WLS: variants seen among roughly 807,000 people sequenced by gnomAD.
WLS encodes the protein protein wntless homolog.
Under a neutral mutation model 62.8 loss-of-function variants are expected in WLS, and 23 were observed. The ratio of observed to expected loss-of-function variants is 0.37; its 90% CI spans 0.26 to 0.52. The LOEUF is 0.52. Among genes scored for constraint, WLS ranks in the 20% least tolerant of loss-of-function variants. WLS has a pLI of 0.92. For missense variants in WLS, 615 were observed against 697.3 expected, an observed-to-expected ratio of 0.88 and a Z score of 1.33; for synonymous variants, 246 against 244.1, an observed-to-expected ratio of 1.01 and a Z score of -0.07.
At chr1:68,106,358 A>G (rs545787538) in intron 11 of WLS, among the ~76,000 whole-genome samples, 1 of 152,272 alleles carries the variant, frequency 6.6e-6, no homozygotes, top group South Asian at 2.1e-4. Flanking sequence ...GGGAGCCCTC[A>G]GTGGGCCTGG....
chr1:68,111,145 G>A (rs1182454787), intron 11 of WLS, among the ~76,000 whole-genome samples: 3 of 152,194 alleles, frequency 2.0e-5, no homozygotes, highest in South Asian at 2.1e-4. Context: ...ATAGTAGGAA[G>A]TAAATGTCTG....
At position 68,126,004 on chromosome 1, in the gene WLS, GT is replaced by G; in HGVS notation, c.*221del. The G allele has an allele frequency of 7.4e-7, 1 of 1,352,800 alleles. No individual in the cohort carries two copies. The allele number at this position is 1,352,800 out of a possible 1,614,324, so 83.8% of individuals were successfully genotyped here. A position where few individuals can be genotyped will look rare whatever the true frequency, so the allele number is the denominator to read the frequency against. On this transcript the variant is annotated 3_prime_UTR_variant, in exon 12 of 12. Transcript: ENST00000262348. ...ATCACAGAAAATGTGTCATACCAGA[GT>G]TTTTGTTATCATACACAATGCATTA...
downstream of WLS, among the ~76,000 whole-genome samples, chr1:68,125,136 C>T (rs533069319): frequency 2.6e-4 from 40 of 152,318 alleles, no homozygotes; most frequent in South Asian, 2.9e-3. Flanking sequence ...TTCTAAAGCA[C>T]GTGATGTTCT....
intron 1 of WLS, among the ~76,000 whole-genome samples, chr1:68,219,387 G>A (rs991204723): frequency 4.6e-5 from 7 of 152,100 alleles, no homozygotes; most frequent in African/African-American, 1.2e-4. Context: ...ATGGAAAAAC[G>A]TCCCTTTCCA....
At chr1:68,230,021 C>G (rs1650337605) in intron 1 of WLS, among the ~76,000 whole-genome samples, 1 of 152,142 alleles carries the variant, frequency 6.6e-6, no homozygotes. Context: ...CAGACAAACC[C>G]TGTTTGGAAC....
intron 11 of WLS, among the ~76,000 whole-genome samples, chr1:68,119,070 C>T (rs897754437): frequency 2.6e-5 from 4 of 151,902 alleles, no homozygotes; most frequent in African/African-American, 9.7e-5. Flanking sequence ...TCAAACTTTG[C>T]AAACCACTGA....
chr1:68,199,988 A>T (rs1327345312), intron 1 of WLS, among the ~76,000 whole-genome samples: 1 of 152,218 alleles, frequency 6.6e-6, no homozygotes, highest in Admixed American at 6.5e-5. Context: ...TGCAACAAAG[A>T]TGATATTTAA....
intron 11 of WLS, among the ~76,000 whole-genome samples, chr1:68,110,378 G>A (rs115270081): frequency 0.041 from 6,280 of 151,910 alleles, 156 homozygotes; most frequent in African/African-American, 0.068. Context: ...AACCTAAATA[G>A]CCTTATAATC....
chr1:68,102,579 C>T (rs1183627224), intron 11 of WLS: 1 of 152,178 alleles, frequency 6.6e-6, no homozygotes, highest in Non-Finnish European at 1.5e-5. Flanking sequence ...ACTTTAAGGG[C>T]TCCTACTCAA....
chr1:68,213,917 C>T (rs564611497), intron 1 of WLS, among the ~76,000 whole-genome samples: 1 of 152,136 alleles, frequency 6.6e-6, no homozygotes, highest in Non-Finnish European at 1.5e-5. Flanking sequence ...AAAGAAACCT[C>T]GAGTCATCAT....
intron 2 of WLS, among the ~76,000 whole-genome samples, chr1:68,170,160 C>CTTTTTTTTTTTTTTTT (rs571306573): frequency 1.2e-5 from 1 of 86,752 alleles, no homozygotes; most frequent in Non-Finnish European, 2.3e-5. Flanking sequence ...GCTACTATTT[C>CTTTTTTTTTTTTTTTT]TTTTTTTTTT....
intron 2 of WLS, among the ~76,000 whole-genome samples, chr1:68,172,151 G>C (rs548680081): frequency 6.6e-6 from 1 of 151,226 alleles, no homozygotes; most frequent in African/African-American, 2.4e-5. Context: ...CATCACACCT[G>C]GGCCTGTTGA....
chr1:68,180,734 T>C (rs1231374964), intron 2 of WLS, among the ~76,000 whole-genome samples: 1 of 152,084 alleles, frequency 6.6e-6, no homozygotes, highest in Non-Finnish European at 1.5e-5. Context: ...CAACTTTCTC[T>C]CTCAAACTGT....
At chr1:68,175,283 G>A (rs867730779) in intron 2 of WLS, among the ~76,000 whole-genome samples, 1 of 152,200 alleles carries the variant, frequency 6.6e-6, no homozygotes, top group Non-Finnish European at 1.5e-5. Flanking sequence ...CAGCCAGATG[G>A]AAACCATCAC....
chr1:68,212,021 G>A (rs771512151), intron 1 of WLS, among the ~76,000 whole-genome samples: 6 of 152,142 alleles, frequency 3.9e-5, no homozygotes, highest in South Asian at 4.1e-4. Context: ...CATGATTAAC[G>A]AAGTACCCTT....
intron 1 of WLS, among the ~76,000 whole-genome samples, chr1:68,217,890 A>G (rs190519703): frequency 2.0e-5 from 3 of 152,304 alleles, no homozygotes; most frequent in East Asian, 1.9e-4. Flanking sequence ...TAAATTAACA[A>G]CTTTGGAGGG....
rs1262656316 is a variant in WLS, at chr1:68,150,314, G to C, written c.846C>G (p.Ile282Met). 6.2e-7 allele frequency: 1 copy of C among 1,614,198 alleles called. No homozygotes were observed. Among genetic ancestry groups the C allele is most frequent in the Non-Finnish European group, 8.5e-7 (1 of 1,180,044 alleles). Residue 282 changes from isoleucine to methionine, a missense_variant, in exon 6 of 12, where the codon ATC becomes ATG. Coordinates refer to ENST00000262348, the MANE Select transcript of WLS (RefSeq NM_024911.7). ...ALGISMTFINIPVEWFSIGFD... is the reference protein window; with the variant it reads ...ALGISMTFINMPVEWFSIGFD... ...ACCCGATGGAAAACCATTCCACTGG[G>C]ATATTGATAAAGGTCATGGAAATCC...
At chr1:68,228,359 T>A in intron 1 of WLS, 1 of 337,238 alleles carries the variant, frequency 3.0e-6, no homozygotes, top group Non-Finnish European at 5.8e-6. Flanking sequence ...AACCATTATA[T>A]TTCTGAGACA....
chr1:68,208,373 A>C (rs1649371078), intron 1 of WLS, among the ~76,000 whole-genome samples: 2 of 152,058 alleles, frequency 1.3e-5, no homozygotes, highest in Admixed American at 6.5e-5. Context: ...TGAGGATTCA[A>C]CTATTGCTAG....
Sources: gnomAD v4.1 joint callset for allele counts (sites outside exome capture counted in the v4.1 genomes callset) on GRCh38, gnomAD v4.1.1 for gene constraint, MANE v1.5 for transcripts, NCBI Gene and HGNC (gene_info 2026-07-23, HGNC 2026-07-21) for gene names.